Variants in RIMS1 observed in about 807,000 individuals in gnomAD.
RIMS1 encodes the protein regulating synaptic membrane exocytosis protein 1.
In RIMS1, 83 loss-of-function variants were observed where a neutral mutation model predicts 214.1. That is an observed-to-expected ratio of 0.39 (90% confidence interval 0.32 to 0.47). The LOEUF (loss-of-function observed/expected upper bound fraction) is 0.47. Ranked by LOEUF, RIMS1 falls within the 20% of genes least tolerant of loss-of-function variation. The pLI, the probability that RIMS1 is intolerant of heterozygous loss-of-function variation, is 0.99. For synonymous variants in RIMS1, 793 were observed against 786.8 expected (o/e 1.01, Z -0.13); for missense variants, 2,050 against 2,161.8 (o/e 0.95, Z 1.03).
At chr6:72,009,478 G>C (rs1187956454) in intron 2 of RIMS1, among the ~76,000 whole-genome samples, 1 of 152,102 alleles carries the variant, frequency 6.6e-6, no homozygotes, top group East Asian at 1.9e-4. Context: ...TAAGATCAGA[G>C]CAGAACTGAA....
Position 72,157,902 on chromosome 6 carries a change from A to T in RIMS1, c.472-21673A>T, listed in dbSNP as rs1215376113. Among the ~76,000 whole-genome samples the T allele has an allele frequency of 1.4e-5, 2 of 140,106 alleles. 1 individual carries two copies. The highest frequency in any genetic ancestry group is 4.9e-5 in the African/African-American group (2 of 40,630). 91.9% of individuals were successfully genotyped at this position (140,106 alleles called of 152,430 possible). ...GCCAGCAATACACTCTATTGCTATT[A>T]TTTTGTTATTCATAAAATCTTATGT... On this transcript the variant is annotated intron_variant, in intron 4 of 33. Coordinates refer to ENST00000521978, the MANE Select transcript of RIMS1 (RefSeq NM_014989.7).
chr6:72,068,774 G>A (rs897993780), intron 2 of RIMS1, among the ~76,000 whole-genome samples: 2 of 152,076 alleles, frequency 1.3e-5, no homozygotes, highest in Non-Finnish European at 2.9e-5. Flanking sequence ...AGCTGGGCGT[G>A]GTGGCGGGCG....
At chr6:72,075,257 AC>A (rs976795329) in intron 2 of RIMS1, among the ~76,000 whole-genome samples, 2 of 152,032 alleles carry the variant, frequency 1.3e-5, no homozygotes, top group African/African-American at 2.4e-5. Flanking sequence ...AATTAAAAAA[AC>A]AAAACAAAAC....
At chr6:72,245,760 C>T in intron 10 of RIMS1, 55 bp from the exon 11 acceptor site, 1 of 1,373,326 alleles carries the variant, frequency 7.3e-7, no homozygotes, top group Middle Eastern at 1.8e-4. Context: ...GCTATGATTG[C>T]CTCAGGCAGG....
At chr6:72,272,292 A>G (rs2083806576) in intron 22 of RIMS1, among the ~76,000 whole-genome samples, 1 of 152,190 alleles carries the variant, frequency 6.6e-6, no homozygotes, top group Non-Finnish European at 1.5e-5. Flanking sequence ...AGCACCTATT[A>G]TAGAAAGCAT....
chr6:72,258,041 T>C, intron 16 of RIMS1, 84 bp from the exon 17 acceptor site: 1 of 1,262,594 alleles, frequency 7.9e-7, no homozygotes, highest in Non-Finnish European at 1.1e-6. Context: ...CAATGGCTGC[T>C]TTAGAATAAT....
intron 4 of RIMS1, among the ~76,000 whole-genome samples, chr6:72,172,359 C>G (rs2047150277): frequency 6.6e-6 from 1 of 152,024 alleles, no homozygotes; most frequent in Non-Finnish European, 1.5e-5. Context: ...AAAGATGAAA[C>G]AGAAGGCTAA....
chr6:72,142,548 T>C (rs1322629781), intron 4 of RIMS1, among the ~76,000 whole-genome samples: 1 of 152,084 alleles, frequency 6.6e-6, no homozygotes, highest in African/African-American at 2.4e-5. Context: ...CAATAAAAGA[T>C]AGCTCTTTTA....
At chr6:72,233,912 G>C in intron 7 of RIMS1, 72 bp downstream of exon 7, 1 of 922,844 alleles carries the variant, frequency 1.1e-6, no homozygotes, top group Non-Finnish European at 1.7e-6. Flanking sequence ...TGTCTGATAT[G>C]TGATATCTGC....
At chr6:72,099,258 C>T (rs2032898071) in intron 3 of RIMS1, among the ~76,000 whole-genome samples, 1 of 148,778 alleles carries the variant, frequency 6.7e-6, no homozygotes, top group African/African-American at 2.4e-5. Context: ...GTAGGAGGTA[C>T]TTACGCTTTG....
chr6:72,135,418 C>G (rs2041126590), intron 4 of RIMS1, among the ~76,000 whole-genome samples: 1 of 152,118 alleles, frequency 6.6e-6, no homozygotes, highest in African/African-American at 2.4e-5. Flanking sequence ...CCTCACCTCC[C>G]AACACTACTC....
chr6:72,325,719 A>G (rs2096429484), intron 28 of RIMS1, among the ~76,000 whole-genome samples: 3 of 151,898 alleles, frequency 2.0e-5, no homozygotes, highest in Non-Finnish European at 4.4e-5. Flanking sequence ...CAACACATGT[A>G]TGTGTGTGGG....
chr6:71,997,252 C>A (rs1562063443), intron 2 of RIMS1, among the ~76,000 whole-genome samples: 2 of 152,050 alleles, frequency 1.3e-5, no homozygotes, highest in Non-Finnish European at 2.9e-5. Context: ...CATAAGTTTT[C>A]AAATTTAGCT....
At chr6:72,328,751 T>C (rs1325019451) in intron 28 of RIMS1, among the ~76,000 whole-genome samples, 1 of 151,796 alleles carries the variant, frequency 6.6e-6, no homozygotes, top group African/African-American at 2.4e-5. Context: ...GTTTTTCTTC[T>C]TTCAGTATGC....
chr6:72,112,004 T>C (rs2036183630), intron 4 of RIMS1, among the ~76,000 whole-genome samples: 1 of 152,206 alleles, frequency 6.6e-6, no homozygotes, highest in African/African-American at 2.4e-5. Flanking sequence ...TATTAGCAGA[T>C]GTTTAATAAG....
rs1349165193 is a variant in RIMS1, at chr6:72,262,707, TTATATG to T, written c.3116+1941_3116+1946del. 36 of 777,360 alleles carry T rather than the reference TTATATG, an allele frequency of 4.6e-5. 1 individual carries two copies. Among genetic ancestry groups the T allele is most frequent in the Non-Finnish European group, 6.2e-6 (4 of 640,936 alleles). The allele number at this position is 777,360 out of a possible 1,614,324, so 48.2% of individuals were successfully genotyped here. On this transcript the variant is annotated intron_variant, in intron 19 of 33. Transcript: ENST00000521978. ...TGTGTACATATAAATAACCACAACT[TTATATG>T]GATATATCAATAATATAGTTTGGTT...
At chr6:72,080,019 T>G (rs995653745) in intron 2 of RIMS1, among the ~76,000 whole-genome samples, 40 of 139,908 alleles carry the variant, frequency 2.9e-4, no homozygotes, top group African/African-American at 9.1e-4. Context: ...GGTGGATCAC[T>G]TGAGGTCAGG....
intron 1 of RIMS1, among the ~76,000 whole-genome samples, chr6:71,901,883 G>A (rs922927310): frequency 6.6e-6 from 1 of 152,024 alleles, no homozygotes; most frequent in African/African-American, 2.4e-5. Flanking sequence ...GTAACTTCAG[G>A]AAAGGCTTTT....
At chr6:72,194,989 A>C (rs548306073) in intron 6 of RIMS1, among the ~76,000 whole-genome samples, 3 of 152,300 alleles carry the variant, frequency 2.0e-5, no homozygotes, top group Non-Finnish European at 4.4e-5. Flanking sequence ...AAGTTAAATG[A>C]AATATGTAAT....
Sources: gnomAD v4.1 joint callset for allele counts (sites outside exome capture counted in the v4.1 genomes callset) on GRCh38, gnomAD v4.1.1 for gene constraint, MANE v1.5 for transcripts, NCBI Gene and HGNC (gene_info 2026-07-23, HGNC 2026-07-21) for gene names.